The following OGFRL1 variants were observed in gnomAD, a reference collection of about 807,000 sequenced individuals.
OGFRL1 encodes the protein opioid growth factor receptor-like protein 1.
A neutral mutation model predicts 32.4 loss-of-function variants in OGFRL1; 26 were observed. That is an observed-to-expected ratio of 0.80 (90% CI 0.59 to 1.11). The LOEUF (loss-of-function observed/expected upper bound fraction) is 1.11. Ranked by LOEUF, OGFRL1 falls within the 50% of genes most tolerant of loss-of-function variation. The pLI, the probability that OGFRL1 is intolerant of heterozygous loss-of-function variation, is 0.00. For missense variants in OGFRL1, 521 were observed against 546.4 expected (o/e 0.95, Z 0.46); for synonymous variants, 211 against 201.2 (o/e 1.05, Z -0.41).
chr6:71,289,447 T>C (rs12190948), intron 1 of OGFRL1: 24,780 of 984,540 alleles, frequency 0.025, 302 homozygotes, highest in Middle Eastern at 0.029. Flanking sequence ...AATGGGTGTT[T>C]TCTTTGCCTC....
rs1766608392 is a variant in OGFRL1, at chr6:71,308,035, C to T, written c.*5986C>T. The T allele has an allele frequency of 6.6e-6, 1 of 152,236 alleles. No individual in the cohort carries two copies. Among genetic ancestry groups the T allele is most frequent in the Admixed American group, 6.5e-5 (1 of 15,288 alleles). The allele number at this position is 152,236 out of a possible 1,614,324, so 9.4% of individuals were successfully genotyped here. On this transcript the variant is annotated 3_prime_UTR_variant, in exon 7 of 7. Coordinates refer to ENST00000370435, the MANE Select transcript of OGFRL1 (RefSeq NM_024576.5). ...CAGGTATTGGTGTGCAAACAGATCC[C>T]ATTAATACTCTGATTTGAACCATGA...
chr6:71,296,369 G>GT lies in OGFRL1; in HGVS notation c.453_454insT (p.Glu152Ter), dbSNP rs1234487781. 6.2e-7 allele frequency: 1 copy of GT among 1,611,426 alleles called. No homozygotes were observed. The highest frequency in any genetic ancestry group is 8.5e-7 in the Non-Finnish European group (1 of 1,178,166). On this transcript the variant is annotated frameshift_variant, in exon 4 of 7. Coordinates refer to ENST00000370435, the MANE Select transcript of OGFRL1 (RefSeq NM_024576.5). LOFTEE classifies it high-confidence loss of function. The stretch of plus-strand genomic sequence containing the variant: ...AATGGAAAGGAGATTATGAAAAACT[G>GT]GAGCACAACCACACTTACATTCAAT...
At position 71,302,369 on chromosome 6, in the gene OGFRL1, A is replaced by C. The variant is rs1028462017; in HGVS notation, c.*320A>C. The C allele has an allele frequency of 5.4e-6, 1 of 184,520 alleles. No homozygotes were observed. The highest frequency in any genetic ancestry group is 2.3e-5 in the African/African-American group (1 of 42,720). 11.4% of individuals were successfully genotyped at this position (184,520 alleles called of 1,614,324 possible). Reference sequence around the variant, plus strand: ...TTACCATGTAGTATTTGGTATACAAAATACATTCTTTTGAGACATTATAGT... The same window carrying C: ...TTACCATGTAGTATTTGGTATACAACATACATTCTTTTGAGACATTATAGT... On this transcript the variant is annotated 3_prime_UTR_variant, in exon 7 of 7. Transcript: ENST00000370435.
chr6:71,303,741 T>A lies in OGFRL1; in HGVS notation c.*1692T>A, dbSNP rs1164895629. On this transcript the variant is annotated 3_prime_UTR_variant, in exon 7 of 7. Transcript: ENST00000370435. ...AATTGAGAACAAATTTAAAAGTCCA[T>A]ATATGCAACTCTAGTAAGCACTTAA... The A allele has an allele frequency of 6.6e-6, 1 of 152,186 alleles. No individual in the cohort carries two copies. The allele number at this position is 152,186 out of a possible 1,614,324, so 9.4% of individuals were successfully genotyped here.
At chr6:71,297,128 ATTGTTATTGC>A (rs1291308947) in intron 6 of OGFRL1, among the ~76,000 whole-genome samples, 1 of 152,068 alleles carries the variant, frequency 6.6e-6, no homozygotes, top group African/African-American at 2.4e-5. Flanking sequence ...CTTTGAGTTT[ATTGTTATTGC>A]TTGTGTACAA....
rs1347083288 is a variant in OGFRL1 at position 71,303,755 on chromosome 6, G to A, written c.*1706G>A. 1 of 152,100 alleles carries A rather than the reference G, an allele frequency of 6.6e-6. No individual in the cohort carries two copies. The highest frequency in any genetic ancestry group is 6.5e-5 in the Admixed American group (1 of 15,274). 9.4% of individuals were successfully genotyped at this position (152,100 alleles called of 1,614,324 possible). On this transcript the variant is annotated 3_prime_UTR_variant, in exon 7 of 7. Coordinates refer to ENST00000370435, the MANE Select transcript of OGFRL1 (RefSeq NM_024576.5). ...TTAAAAGTCCATATATGCAACTCTA[G>A]TAAGCACTTAATAGGTTACATAGCA...
chr6:71,290,722 TA>T (rs1469432959), intron 1 of OGFRL1, among the ~76,000 whole-genome samples: 1 of 152,252 alleles, frequency 6.6e-6, no homozygotes. Flanking sequence ...ATACTGGAGC[TA>T]CTTTTAAAGC....
chr6:71,292,092 T>C (rs1418879425), intron 1 of OGFRL1: 1 of 152,232 alleles, frequency 6.6e-6, no homozygotes, highest in Non-Finnish European at 1.5e-5. Context: ...TCGCTATATA[T>C]GTAAGTGCTT....
chr6:71,294,812 A>G (rs1014494184), intron 3 of OGFRL1, among the ~76,000 whole-genome samples: 2 of 152,184 alleles, frequency 1.3e-5, no homozygotes, highest in Non-Finnish European at 2.9e-5. Flanking sequence ...AAGAAATGCA[A>G]TGATAGATTG....
In OGFRL1 at chr6:71,304,372, T is replaced by C. The variant is rs1766484377; in HGVS notation, c.*2323T>C. The C allele has an allele frequency of 6.6e-6, 1 of 152,146 alleles. No homozygotes were observed. The highest frequency in any genetic ancestry group is 2.4e-5 in the African/African-American group (1 of 41,454). The allele number at this position is 152,146 out of a possible 1,614,324, so 9.4% of individuals were successfully genotyped here. ...CGTGGTGCTTGTAGCTGTGTCTCCG[T>C]AGAGCTCAGTAAATAGTTCTACAGG... On this transcript the variant is annotated 3_prime_UTR_variant, in exon 7 of 7. Transcript: ENST00000370435.
chr6:71,296,611 A>C (rs758939413), intron 5 of OGFRL1, 50 bp downstream of exon 5: 3 of 1,607,140 alleles, frequency 1.9e-6, no homozygotes, highest in Non-Finnish European at 1.7e-6. Flanking sequence ...TAATATTGCT[A>C]TTTCACTGTC....
chr6:71,303,400 T>C lies in OGFRL1; in HGVS notation c.*1351T>C, dbSNP rs981154730. ...ATTGTATGACTTCAAGATTTTGCTT[T>C]GTTTAAATTAATAACTGTTTTCAGA... On this transcript the variant is annotated 3_prime_UTR_variant, in exon 7 of 7. Transcript: ENST00000370435. 1.9e-4 allele frequency: 29 copies of C among 152,216 alleles called. No individual in the cohort carries two copies. Among genetic ancestry groups the C allele is most frequent in the African/African-American group, 7.0e-4 (29 of 41,448 alleles). The allele number at this position is 152,216 out of a possible 1,614,324, so 9.4% of individuals were successfully genotyped here. A position where few individuals can be genotyped will look rare whatever the true frequency, so the allele number is the denominator to read the frequency against.
Position 71,308,605 on chromosome 6 carries a change from G to T in OGFRL1, c.*6556G>T, listed in dbSNP as rs965307192. The T allele has an allele frequency of 6.6e-6, 1 of 152,142 alleles. No individual in the cohort carries two copies. Among genetic ancestry groups the T allele is most frequent in the South Asian group, 2.1e-4 (1 of 4,828 alleles). 9.4% of individuals were successfully genotyped at this position (152,142 alleles called of 1,614,324 possible). A position where few individuals can be genotyped will look rare whatever the true frequency, so the allele number is the denominator to read the frequency against. ...GAATTACAGAATGCTGTGCATGTTC[G>T]TTAGTACCAATACCATGTGTATGTG... On this transcript the variant is annotated 3_prime_UTR_variant, in exon 7 of 7. Coordinates refer to ENST00000370435, the MANE Select transcript of OGFRL1 (RefSeq NM_024576.5).
At chr6:71,292,573 G>A (rs11751548) in intron 1 of OGFRL1, among the ~76,000 whole-genome samples, 33,595 of 152,102 alleles carry the variant, frequency 0.22, 3,986 homozygotes, top group East Asian at 0.34. Flanking sequence ...ATGGTGATAG[G>A]AATTTTACTT....
At chr6:71,296,155 C>T (rs1183510103) in intron 3 of OGFRL1, among the ~76,000 whole-genome samples, 162 bp from the exon 4 acceptor site, 3 of 151,950 alleles carry the variant, frequency 2.0e-5, no homozygotes, top group South Asian at 4.1e-4. Flanking sequence ...ATCACATAAC[C>T]GAATATATGG....
chr6:71,292,942 A>G lies in OGFRL1; in HGVS notation c.235-351A>G, dbSNP rs181442222. On this transcript the variant is annotated intron_variant, in intron 1 of 6. Transcript: ENST00000370435. The stretch of plus-strand genomic sequence containing the variant: ...ATTCTAAAATAAGTTTTATCATAGA[A>G]TCACTTGCATAATCATCTGGTAAAT... Among the ~76,000 whole-genome samples, 15 of 152,326 alleles carry G rather than the reference A, an allele frequency of 9.8e-5. No homozygotes were observed. The East Asian group carries it at 1.5e-3, about 16-fold the overall frequency.
In OGFRL1 at chr6:71,302,108, T is replaced by C; in HGVS notation, c.*59T>C. ...GAGAGGAAAAAACTACTGTATCATT[T>C]ATCCTAAAGAACAGAGATGAGGTCA... is the stretch of plus-strand genomic sequence containing the variant. On this transcript the variant is annotated 3_prime_UTR_variant, in exon 7 of 7. Coordinates refer to ENST00000370435, the MANE Select transcript of OGFRL1 (RefSeq NM_024576.5). 7.2e-7 allele frequency: 1 copy of C among 1,386,460 alleles called. No homozygotes were observed. The highest frequency in any genetic ancestry group is 1.6e-5 in the South Asian group (1 of 61,074). 85.9% of individuals were successfully genotyped at this position (1,386,460 alleles called of 1,614,324 possible). A position where few individuals can be genotyped will look rare whatever the true frequency, so the allele number is the denominator to read the frequency against.
chr6:71,289,539 T>A (rs7741988), intron 1 of OGFRL1: 52,546 of 948,276 alleles, frequency 0.055, 1,521 homozygotes, highest in African/African-American at 0.079. Context: ...CTCTAGTGTG[T>A]GTTATTGGTA....
chr6:71,297,428 T>C (rs1399381465), intron 6 of OGFRL1, among the ~76,000 whole-genome samples: 1 of 152,214 alleles, frequency 6.6e-6, no homozygotes, highest in Non-Finnish European at 1.5e-5. Context: ...GCTGTATTCA[T>C]TTGGTTGGAT....
Sources: allele counts gnomAD v4.1 joint callset (sites outside exome capture counted in the v4.1 genomes callset), GRCh38; gene constraint gnomAD v4.1.1; transcripts MANE v1.5; gene names NCBI Gene and HGNC (gene_info 2026-07-23, HGNC 2026-07-21).